Variants in ITGA1 observed in about 807,000 individuals in gnomAD.
ITGA1 encodes integrin subunit alpha 1.
ITGA1 carries 85 observed loss-of-function variants against 145.9 expected under a neutral mutation model. That is an observed-to-expected ratio of 0.58 (90% CI 0.49 to 0.70). The LOEUF is 0.70. Among genes scored for constraint, ITGA1 ranks in the 30% least tolerant of loss-of-function variants. ITGA1 has a pLI of 0.00. For synonymous variants in ITGA1, 520 were observed against 495.3 expected (o/e 1.05, Z -0.66); for missense variants, 1,351 against 1,418.7 (o/e 0.95, Z 0.77).
intron 15 of ITGA1, among the ~76,000 whole-genome samples, chr5:52,916,810 C>G (rs529630159): frequency 3.3e-5 from 5 of 152,116 alleles, no homozygotes; most frequent in African/African-American, 4.8e-5. Context: ...TTATTATGCT[C>G]CCTTTAGCTC....
At chr5:52,893,866 A>T in intron 9 of ITGA1, 26 bp downstream of exon 9, 1 of 1,558,074 alleles carries the variant, frequency 6.4e-7, no homozygotes, top group Non-Finnish European at 8.8e-7. Context: ...TTATTGCTGC[A>T]TGTTCTCTCT....
intron 11 of ITGA1, chr5:52,901,787 A>T (rs1750317049): frequency 6.6e-6 from 1 of 152,226 alleles, no homozygotes; most frequent in Non-Finnish European, 1.5e-5. Context: ...CACAGTATTT[A>T]TAATATATGA....
intron 12 of ITGA1, among the ~76,000 whole-genome samples, chr5:52,906,764 C>T (rs1194383416): frequency 6.6e-6 from 1 of 152,164 alleles, no homozygotes; most frequent in African/African-American, 2.4e-5. Context: ...AATATTCCAA[C>T]TCTCTAGACT....
At chr5:52,800,376 G>T (rs1314418875) in intron 1 of ITGA1, 1 of 1,613,320 alleles carries the variant, frequency 6.2e-7, no homozygotes, top group Non-Finnish European at 8.5e-7. Flanking sequence ...GGTTCTGTCA[G>T]TGAGCCCCTT....
chr5:52,888,432 G>A (rs956366630), intron 8 of ITGA1, among the ~76,000 whole-genome samples: 5 of 152,080 alleles, frequency 3.3e-5, no homozygotes, highest in East Asian at 3.9e-4. Context: ...AGCAATTTTC[G>A]ACTCTCTTTT....
chr5:52,822,422 TCC>T (rs1748893503), intron 1 of ITGA1, among the ~76,000 whole-genome samples: 2 of 152,216 alleles, frequency 1.3e-5, no homozygotes, highest in African/African-American at 2.4e-5. Context: ...CTCTTCTTCC[TCC>T]CACTGATTCA....
Position 52,937,495 on chromosome 5 carries a change from C to T in ITGA1, c.3059C>T (p.Thr1020Ile). The T allele has an allele frequency of 6.2e-7, 1 of 1,605,846 alleles. No homozygotes were observed. Among genetic ancestry groups the T allele is most frequent in the Non-Finnish European group, 8.5e-7 (1 of 1,172,516 alleles). Reference sequence around the variant, plus strand: ...AATGGTTACCCTGTGCTGTACCCAACTGGATTGTCATCTTCTGAGGTAAGT... The same window carrying T: ...AATGGTTACCCTGTGCTGTACCCAATTGGATTGTCATCTTCTGAGGTAAGT... ...TSNGYPVLYP[T>I]GLSSSENANC... is the part of the protein sequence containing the mutation. Residue 1020 changes from threonine to isoleucine, a missense_variant, in exon 24 of 29, where the codon ACT (threonine) becomes ATT (isoleucine). Transcript: ENST00000282588.
At chr5:52,940,857 A>G (rs528303707) in intron 26 of ITGA1, among the ~76,000 whole-genome samples, 1 of 152,234 alleles carries the variant, frequency 6.6e-6, no homozygotes, top group Non-Finnish European at 1.5e-5. Flanking sequence ...TTACATGGGT[A>G]TATTTGCAGG....
chr5:52,939,697 T>C lies in ITGA1; in HGVS notation c.3180+6T>C. The C allele has an allele frequency of 6.3e-7, 1 of 1,589,748 alleles. No individual in the cohort carries two copies. The highest frequency in any genetic ancestry group is 8.6e-7 in the Non-Finnish European group (1 of 1,158,600). ...TCAAACGAGGCACAATTCTGGTAAA[T>C]TAAGACAAGTGCTATTTTTACCTTT... is the stretch of plus-strand genomic sequence containing the variant. On this transcript the variant is annotated splice_donor_region_variant and intron_variant, in intron 25 of 28. Coordinates refer to ENST00000282588, the MANE Select transcript of ITGA1 (RefSeq NM_181501.2).
intron 6 of ITGA1, among the ~76,000 whole-genome samples, chr5:52,879,560 T>A (rs530106259): frequency 1.1e-4 from 17 of 152,294 alleles, no homozygotes; most frequent in Admixed American, 1.1e-3. Context: ...AACTTTAGGG[T>A]CATTGAAGAA....
chr5:52,938,997 T>C (rs904351099), intron 24 of ITGA1, among the ~76,000 whole-genome samples: 23 of 151,922 alleles, frequency 1.5e-4, no homozygotes, highest in African/African-American at 5.3e-4. Flanking sequence ...CCTCCTCCCA[T>C]GTCCAAATGA....
intron 2 of ITGA1, among the ~76,000 whole-genome samples, chr5:52,857,347 C>T (rs935856222): frequency 6.6e-5 from 10 of 152,076 alleles, no homozygotes; most frequent in African/African-American, 2.4e-4. Context: ...GATTCTACTC[C>T]CTCTCCTGTG....
In ITGA1 at chr5:52,897,473, C is replaced by A; in HGVS notation, c.1109C>A (p.Ala370Glu). 1 of 1,612,340 alleles carries A rather than the reference C, an allele frequency of 6.2e-7. No individual in the cohort carries two copies. The highest frequency in any genetic ancestry group is 8.5e-7 in the Non-Finnish European group (1 of 1,178,598). Residue 370 changes from alanine (A) to glutamate (E), a missense_variant, in exon 10 of 29, where the codon GCA (alanine) becomes GAA (glutamate). Coordinates refer to ENST00000282588, the MANE Select transcript of ITGA1 (RefSeq NM_181501.2). ...GTTATAGCCACAGCTGACCAGTCAG[C>A]AGCTTCATTTGAAATGGAAATGTCT... ...FALEATADQS[A>E]ASFEMEMSQT...
chr5:52,924,371 C>T (rs1750772146), intron 18 of ITGA1, among the ~76,000 whole-genome samples: 1 of 152,028 alleles, frequency 6.6e-6, no homozygotes, highest in Non-Finnish European at 1.5e-5. Flanking sequence ...GATTTCCACC[C>T]TATTTAGGGG....
At chr5:52,820,685 A>C (rs1281550320) in intron 1 of ITGA1, among the ~76,000 whole-genome samples, 1 of 152,112 alleles carries the variant, frequency 6.6e-6, no homozygotes, top group Non-Finnish European at 1.5e-5. Context: ...CAAGCACATA[A>C]TTATTTGGTG....
chr5:52,838,933 C>T (rs1361722256), intron 1 of ITGA1, among the ~76,000 whole-genome samples: 2 of 152,146 alleles, frequency 1.3e-5, no homozygotes, highest in Admixed American at 6.6e-5. Flanking sequence ...CTTTTCTATA[C>T]AAAAAATACA....
chr5:52,801,126 A>G, intron 1 of ITGA1: 1 of 1,590,276 alleles, frequency 6.3e-7, no homozygotes, highest in South Asian at 1.1e-5. Context: ...TTCAGGTAAA[A>G]CAATCTTACC....
intron 1 of ITGA1, among the ~76,000 whole-genome samples, chr5:52,806,891 A>G (rs905954657): frequency 2.0e-5 from 3 of 152,190 alleles, no homozygotes; most frequent in Non-Finnish European, 2.9e-5. Flanking sequence ...TTTGCTTTTT[A>G]CAATGAATAT....
chr5:52,924,292 C>T (rs1750771087), intron 18 of ITGA1, among the ~76,000 whole-genome samples: 1 of 152,140 alleles, frequency 6.6e-6, no homozygotes, highest in Non-Finnish European at 1.5e-5. Flanking sequence ...GGAACTTCCA[C>T]CTAGGCTGAG....
Sources: gnomAD v4.1 joint callset for allele counts (sites outside exome capture counted in the v4.1 genomes callset) on GRCh38, gnomAD v4.1.1 for gene constraint, MANE v1.5 for transcripts, NCBI Gene and HGNC (gene_info 2026-07-23, HGNC 2026-07-21) for gene names.